Variants in TRIM55 observed in about 807,000 individuals in gnomAD.
The protein encoded by TRIM55 is tripartite motif-containing protein 55.
A neutral mutation model predicts 60.9 loss-of-function variants in TRIM55; 50 were observed. The ratio of observed to expected loss-of-function variants is 0.82; its 90% CI spans 0.65 to 1.04. The LOEUF (loss-of-function observed/expected upper bound fraction) is 1.04. TRIM55 is among the 50% of genes least tolerant of loss of function. The pLI is 0.00. For synonymous variants in TRIM55, 237 were observed against 238.1 expected (o/e 1.00, Z 0.04); for missense variants, 681 against 666.9 (o/e 1.02, Z -0.23).
rs781156219 is a variant in TRIM55, at chr8:66,154,065, G to A, written c.1255G>A (p.Gly419Ser). The change falls in exon 9 of 10, where the codon GGC becomes AGC. Residue 419 changes from glycine to serine, a missense_variant. Transcript: ENST00000315962. ...PVTQGEVVPT[G>S]SEQTTESETP... ...GATTAAGGGGGAGGTTGTACCCACT[G>A]GCTCTGAGCAGACCACAGAGTCTGA... 1.9e-6 allele frequency: 3 copies of A among 1,613,456 alleles called. No individual in the cohort carries two copies. Among genetic ancestry groups the A allele is most frequent in the Non-Finnish European group, 2.5e-6 (3 of 1,179,826 alleles).
At chr8:66,122,072 T>C (rs988695061), upstream of TRIM55, among the ~76,000 whole-genome samples, 2 of 152,056 alleles carry the variant, frequency 1.3e-5, no homozygotes, top group African/African-American at 4.8e-5. Context: ...TGGATTGGTG[T>C]CTGAGAGCAG....
chr8:66,138,633 C>T (rs1809622882), intron 4 of TRIM55, among the ~76,000 whole-genome samples: 1 of 152,208 alleles, frequency 6.6e-6, no homozygotes, highest in Non-Finnish European at 1.5e-5. Context: ...TCCTGATCTG[C>T]CCGCCTCGGA....
chr8:66,144,779 T>C (rs1438038609), intron 4 of TRIM55, among the ~76,000 whole-genome samples: 1 of 152,244 alleles, frequency 6.6e-6, no homozygotes, highest in Non-Finnish European at 1.5e-5. Context: ...GAGCAGTCTT[T>C]GAGATGAGGA....
intron 2 of TRIM55, among the ~76,000 whole-genome samples, chr8:66,128,677 G>C (rs1808970445): frequency 1.3e-5 from 2 of 152,110 alleles, no homozygotes; most frequent in African/African-American, 2.4e-5. Context: ...CCATGCTTTT[G>C]TATCAATTTA....
intron 6 of TRIM55, 28 bp from the exon 7 acceptor site, chr8:66,150,314 A>G (rs749792954): frequency 6.2e-7 from 1 of 1,614,146 alleles, no homozygotes; most frequent in Non-Finnish European, 8.5e-7. Flanking sequence ...CAACAGTGAC[A>G]GAAAGTGGCA....
intron 2 of TRIM55, among the ~76,000 whole-genome samples, chr8:66,129,344 A>G (rs979871056): frequency 6.6e-6 from 1 of 152,200 alleles, no homozygotes; most frequent in African/African-American, 2.4e-5. Context: ...AAAGCTTGAT[A>G]GCAATATTGA....
the TRIM55 span, among the ~76,000 whole-genome samples, chr8:66,114,086 C>CCCCCA: frequency 1.5e-5 from 2 of 130,626 alleles, 1 homozygote; most frequent in African/African-American, 5.6e-5. Context: ...AGAGACACCC[C>CCCCCA]CCCCCCCATT....
chr8:66,135,871 G>T (rs1366235797), intron 3 of TRIM55, among the ~76,000 whole-genome samples: 1 of 152,038 alleles, frequency 6.6e-6, no homozygotes, highest in Non-Finnish European at 1.5e-5. Context: ...TTATCCATCT[G>T]GTACAGATAA....
At chr8:66,151,712 C>A (rs1259163032) in intron 7 of TRIM55, among the ~76,000 whole-genome samples, 2 of 151,882 alleles carry the variant, frequency 1.3e-5, no homozygotes, top group Admixed American at 1.3e-4. Context: ...GGCGTGGTGG[C>A]GTACGCCTGT....
chr8:66,165,455 A>G (rs1025439092), intron 9 of TRIM55, among the ~76,000 whole-genome samples: 2 of 152,038 alleles, frequency 1.3e-5, no homozygotes, highest in Non-Finnish European at 2.9e-5. Context: ...TAAGAACATG[A>G]TTTCCCATGA....
upstream of TRIM55, among the ~76,000 whole-genome samples, chr8:66,122,369 G>A (rs1054138567): frequency 6.6e-6 from 1 of 152,014 alleles, no homozygotes; most frequent in Non-Finnish European, 1.5e-5. Flanking sequence ...GAATCTTCCC[G>A]CCTTTGCTTC....
the TRIM55 span, among the ~76,000 whole-genome samples, chr8:66,119,172 T>C: frequency 1.3e-5 from 2 of 152,148 alleles, 1 homozygote; most frequent in Non-Finnish European, 2.9e-5. Flanking sequence ...CTGATGTTCT[T>C]TCCCTGTTTT....
upstream of TRIM55, among the ~76,000 whole-genome samples, chr8:66,123,025 T>G (rs796170518): frequency 6.6e-6 from 1 of 152,232 alleles, no homozygotes; most frequent in African/African-American, 2.4e-5. Flanking sequence ...CCAGGAGAGA[T>G]TTAACTAAGA....
chr8:66,114,080 A>ACCC, the TRIM55 span, among the ~76,000 whole-genome samples: 434 of 39,434 alleles, frequency 0.011, 23 homozygotes, highest in African/African-American at 0.014. Flanking sequence ...CGAAGGAGAG[A>ACCC]CACCCCCCCC....
chr8:66,130,659 CTT>C (rs572999976), intron 2 of TRIM55, among the ~76,000 whole-genome samples: 5,654 of 122,860 alleles, frequency 0.046, 398 homozygotes, highest in African/African-American at 0.17. Flanking sequence ...ACCTAGCATT[CTT>C]TTTTTTTTTT....
At chr8:66,148,131 AC>A (rs1483933091) in intron 4 of TRIM55, among the ~76,000 whole-genome samples, 1 of 152,156 alleles carries the variant, frequency 6.6e-6, no homozygotes, top group Non-Finnish European at 1.5e-5. Flanking sequence ...AAGGTCCTGG[AC>A]CCAGAGATGG....
chr8:66,158,012 G>C (rs1810840254), intron 9 of TRIM55, among the ~76,000 whole-genome samples: 1 of 152,084 alleles, frequency 6.6e-6, no homozygotes, highest in African/African-American at 2.4e-5. Context: ...TGGTGAATTT[G>C]AACTCATCAA....
chr8:66,127,559 G>T (rs1808880480), intron 1 of TRIM55, 123 bp downstream of exon 1: 1 of 1,155,072 alleles, frequency 8.7e-7, no homozygotes, highest in Non-Finnish European at 1.2e-6. Context: ...GGGCGCTTTG[G>T]CTCACGCCTG....
intron 9 of TRIM55, among the ~76,000 whole-genome samples, chr8:66,169,246 G>GA (rs1811488446): frequency 6.6e-6 from 1 of 152,098 alleles, no homozygotes; most frequent in African/African-American, 2.4e-5. Flanking sequence ...AGATGCATTT[G>GA]GGGTAAAGGG....
Sources: gnomAD v4.1 joint callset for allele counts (sites outside exome capture counted in the v4.1 genomes callset) on GRCh38, gnomAD v4.1.1 for gene constraint, MANE v1.5 for transcripts, NCBI Gene and HGNC (gene_info 2026-07-23, HGNC 2026-07-21) for gene names.